GFM1: variants seen among roughly 807,000 people sequenced by gnomAD.
GFM1 encodes the protein elongation factor G, mitochondrial.
In GFM1, 62 loss-of-function variants were observed where a neutral mutation model predicts 96.2. That is an observed-to-expected ratio of 0.64 (90% CI 0.53 to 0.80). The LOEUF is 0.80. Among genes scored for constraint, GFM1 ranks in the 30% least tolerant of loss-of-function variants. The pLI, the probability that GFM1 is intolerant of heterozygous loss-of-function variation, is 0.00. For synonymous variants in GFM1, 282 were observed against 312.9 expected, an observed-to-expected ratio of 0.90 and a Z score of 1.04; for missense variants, 852 against 916.6, an observed-to-expected ratio of 0.93 and a Z score of 0.91.
At position 158,690,276 on chromosome 3, in the gene GFM1, A is replaced by G. The variant is rs749193669; in HGVS notation, c.2023A>G (p.Ile675Val). 6.2e-7 allele frequency: 1 copy of G among 1,614,050 alleles called. No homozygotes were observed. Among genetic ancestry groups the G allele is most frequent in the Non-Finnish European group, 8.5e-7 (1 of 1,179,920 alleles). Reference protein sequence around the residue: ...IAGINRRHGVITGQDGVEDYF... With the variant: ...IAGINRRHGVVTGQDGVEDYF... ...AGGAATTAACCGACGCCATGGGGTAATCACTGGGCAAGATGGAGTTGAGGA... is the reference window on the plus strand; with the variant it reads ...AGGAATTAACCGACGCCATGGGGTAGTCACTGGGCAAGATGGAGTTGAGGA... Residue 675 changes from isoleucine (I) to valine (V), a missense_variant, in exon 16 of 18, where the codon ATC becomes GTC. Transcript: ENST00000486715.
At chr3:158,647,787 T>A (rs1392484212) in intron 4 of GFM1, among the ~76,000 whole-genome samples, 1 of 152,234 alleles carries the variant, frequency 6.6e-6, no homozygotes, top group African/African-American at 2.4e-5. Flanking sequence ...CCAAATCTTC[T>A]TCTGAATTCC....
intron 8 of GFM1, chr3:158,657,644 C>T (rs1047611414): frequency 2.6e-5 from 4 of 152,014 alleles, no homozygotes; most frequent in African/African-American, 9.7e-5. Flanking sequence ...GTTCCTTCTA[C>T]TTCTTTATGT....
Position 158,675,768 on chromosome 3 carries a change from C to T in GFM1, c.1602-6227C>T, listed in dbSNP as rs1375040184. On this transcript the variant is annotated intron_variant, in intron 13 of 17. Coordinates refer to ENST00000486715, the MANE Select transcript of GFM1 (RefSeq NM_024996.7). ...TCTCCAGTTAACTTTCAGGCCCTTACATAATGTTCAATTAGTCCTGGGATA... is the reference window on the plus strand; with the variant it reads ...TCTCCAGTTAACTTTCAGGCCCTTATATAATGTTCAATTAGTCCTGGGATA... 3.9e-5 allele frequency among the ~76,000 whole-genome samples: 6 copies of T among 152,180 alleles called. No homozygotes were observed. In the South Asian group the frequency reaches 8.3e-4, roughly 21 times the overall value.
In GFM1 at chr3:158,687,553, C is replaced by T. The variant is rs539141727; in HGVS notation, c.1910-2610C>T. On this transcript the variant is annotated intron_variant, in intron 15 of 17. Transcript: ENST00000486715. The stretch of plus-strand genomic sequence containing the variant: ...CACGATCTCAGCTCACTGCAACCTC[C>T]GCCTCCTGGGTTCAAGCAATTCTCC... 1.6e-3 allele frequency among the ~76,000 whole-genome samples: 246 copies of T among 151,902 alleles called. 2 individuals carry two copies. The highest frequency in any genetic ancestry group is 2.4e-3 in the Admixed American group (37 of 15,234).
Position 158,684,445 on chromosome 3 carries a change from A to G in GFM1, c.1765-79A>G, listed in dbSNP as rs535416905. 1.4e-5 allele frequency: 20 copies of G among 1,433,868 alleles called. No individual in the cohort carries two copies. The African/African-American group carries it at 2.7e-4, about 19-fold the overall frequency. The allele number at this position is 1,433,868 out of a possible 1,614,324, so 88.8% of individuals were successfully genotyped here. A position where few individuals can be genotyped will look rare whatever the true frequency, so the allele number is the denominator to read the frequency against. ...CACATAAAAACGTACACTTCTGAACACAAATATTTTGGGGTTCTTGATAAT... is the reference window on the plus strand; with the variant it reads ...CACATAAAAACGTACACTTCTGAACGCAAATATTTTGGGGTTCTTGATAAT... On this transcript the variant is annotated intron_variant, in intron 14 of 17. Transcript: ENST00000486715.
chr3:158,682,685 A>G (rs1191647447), intron 14 of GFM1, among the ~76,000 whole-genome samples: 1 of 152,176 alleles, frequency 6.6e-6, no homozygotes, highest in Non-Finnish European at 1.5e-5. Context: ...AGTGCTTTGC[A>G]CATATGAGGG....
chr3:158,679,507 T>C (rs1019659851), intron 13 of GFM1, among the ~76,000 whole-genome samples: 3 of 152,232 alleles, frequency 2.0e-5, no homozygotes, highest in African/African-American at 7.2e-5. Context: ...AAAAAATTAA[T>C]AGCAATACAG....
Position 158,682,938 on chromosome 3 carries a change from G to A in GFM1, c.1764+781G>A, listed in dbSNP as rs557758788. Among the ~76,000 whole-genome samples, 87 of 151,870 alleles carry A rather than the reference G, an allele frequency of 5.7e-4. 1 individual carries two copies. The highest frequency in any genetic ancestry group is 2.1e-3 in the African/African-American group (86 of 41,406). On this transcript the variant is annotated intron_variant, in intron 14 of 17. Coordinates refer to ENST00000486715, the MANE Select transcript of GFM1 (RefSeq NM_024996.7). ...TAGTCCCAGCTGCTCTGGAGGCTGA[G>A]ATGGGAGGATTGCTTGAGCCCAGAA... is the stretch of plus-strand genomic sequence containing the variant.
Position 158,694,398 on chromosome 3 carries a change from C to G in GFM1, c.*2931C>G, listed in dbSNP as rs1435227491. On this transcript the variant is annotated 3_prime_UTR_variant, in exon 18 of 18. Transcript: ENST00000486715. The stretch of plus-strand genomic sequence containing the variant: ...TAAATAATGAGAACACATGGACACA[C>G]AGAGGGGAACAACACACACTGGGGC... Among the ~76,000 whole-genome samples the G allele has an allele frequency of 2.0e-5, 3 of 152,076 alleles. No homozygotes were observed. The highest frequency in any genetic ancestry group is 2.1e-4 in the South Asian group (1 of 4,820).
At chr3:158,667,781 C>T (rs1441862652) in intron 13 of GFM1, among the ~76,000 whole-genome samples, 1 of 152,126 alleles carries the variant, frequency 6.6e-6, no homozygotes, top group African/African-American at 2.4e-5. Flanking sequence ...GAGTGAAACC[C>T]TGTCTCAAAA....
chr3:158,684,378 A>T, intron 14 of GFM1, 146 bp from the exon 15 acceptor site: 2 of 766,978 alleles, frequency 2.6e-6, no homozygotes, highest in Non-Finnish European at 4.3e-6. Context: ...TAAAGTTGTT[A>T]AACATTTTTA....
At chr3:158,684,961 C>A in intron 15 of GFM1, 1 of 283,722 alleles carries the variant, frequency 3.5e-6, no homozygotes, top group Non-Finnish European at 6.7e-6. Context: ...CTGAAATGTT[C>A]AGAATTCTAG....
At chr3:158,662,553 A>G in intron 10 of GFM1, 75 bp from the exon 11 acceptor site, 2 of 847,302 alleles carry the variant, frequency 2.4e-6, no homozygotes, top group East Asian at 2.4e-5. Flanking sequence ...AAAGTGGCAC[A>G]TTAAAATTAA....
intron 13 of GFM1, among the ~76,000 whole-genome samples, chr3:158,676,158 A>G (rs1724873413): frequency 6.6e-6 from 1 of 152,004 alleles, no homozygotes; most frequent in African/African-American, 2.4e-5. Context: ...AGTTCCAGCT[A>G]CTCGGGAGGC....
chr3:158,691,354 A>G lies in GFM1; in HGVS notation c.2143A>G (p.Met715Val), dbSNP rs147620098. Residue 715 changes from methionine to valine, a missense_variant, in exon 18 of 18, where the codon ATG becomes GTG. Coordinates refer to ENST00000486715, the MANE Select transcript of GFM1 (RefSeq NM_024996.7). ...SCTEGKGEYT[M>V]EYSRYQPCLP... ...TCCCTAGGGAAAGGGAGAATACACAATGGAGTATAGCAGGTATCAGCCATG... is the reference window on the plus strand; with the variant it reads ...TCCCTAGGGAAAGGGAGAATACACAGTGGAGTATAGCAGGTATCAGCCATG... 103 of 1,613,900 alleles carry G rather than the reference A, an allele frequency of 6.4e-5. No homozygotes were observed. In the African/African-American group the frequency reaches 1.0e-3, roughly 16 times the overall value.
rs1723141225 is a variant in GFM1, at chr3:158,660,794, A to G, written c.1222-80A>G. The G allele has an allele frequency of 8.6e-6, 9 of 1,052,604 alleles. No individual in the cohort carries two copies. The South Asian group carries it at 1.0e-4, about 12-fold the overall frequency. The allele number at this position is 1,052,604 out of a possible 1,614,324, so 65.2% of individuals were successfully genotyped here. ...ACGCTTTTTTATATACAATGTGTGT[A>G]CTGTACAGTTTACTTTTTAGTTACC... On this transcript the variant is annotated intron_variant, in intron 9 of 17. Transcript: ENST00000486715.
At chr3:158,672,249 G>T in intron 13 of GFM1, 1 of 1,438,986 alleles carries the variant, frequency 6.9e-7, no homozygotes, top group Non-Finnish European at 9.6e-7. Context: ...GGTGGGTAGG[G>T]GGTGGCACGG....
At chr3:158,670,274 C>T (rs1481941434) in intron 13 of GFM1, among the ~76,000 whole-genome samples, 1 of 152,194 alleles carries the variant, frequency 6.6e-6, no homozygotes, top group Admixed American at 6.5e-5. Context: ...AGATCTTCAT[C>T]TGAATGGTGG....
At chr3:158,678,295 A>G (rs1576781010) in intron 13 of GFM1, among the ~76,000 whole-genome samples, 2 of 152,318 alleles carry the variant, frequency 1.3e-5, no homozygotes, top group East Asian at 1.9e-4. Flanking sequence ...TTATTTAAGA[A>G]ATACATTTTG....
Sources: gnomAD v4.1 joint callset for allele counts (sites outside exome capture counted in the v4.1 genomes callset) on GRCh38, gnomAD v4.1.1 for gene constraint, MANE v1.5 for transcripts, NCBI Gene and HGNC (gene_info 2026-07-23, HGNC 2026-07-21) for gene names.